CCDC175: variants seen among roughly 807,000 people sequenced by gnomAD.
The protein encoded by CCDC175 is coiled-coil domain-containing protein 175.
In CCDC175, 100 loss-of-function variants were observed where a neutral mutation model predicts 114.6. The observed-to-expected ratio is 0.87, with a 90% CI of 0.74 to 1.03. CCDC175 has a LOEUF of 1.03. CCDC175 is among the 50% of genes least tolerant of loss of function. The probability of loss-of-function intolerance (pLI) is 0.00; values close to 1 mark genes in which losing one functional copy is unlikely to be tolerated. For missense variants in CCDC175, 880 were observed against 917.8 expected, an observed-to-expected ratio of 0.96 and a Z score of 0.53; for synonymous variants, 306 against 308.7, an observed-to-expected ratio of 0.99 and a Z score of 0.09.
intron 1 of CCDC175, 34 bp downstream of exon 1, chr14:59,576,585 A>G (rs1053777763): frequency 1.1e-5 from 15 of 1,394,622 alleles, no homozygotes; most frequent in Admixed American, 3.5e-5. Context: ...ACCTCTGAGG[A>G]GACGTCCCTT....
chr14:59,556,081 C>T (rs2140090022), intron 7 of CCDC175, among the ~76,000 whole-genome samples: 1 of 152,320 alleles, frequency 6.6e-6, no homozygotes. Flanking sequence ...CATTAAGCTA[C>T]CAGTGACTTT....
chr14:59,538,027 T>TA lies in CCDC175; in HGVS notation c.1618dup (p.Tyr540LeufsTer2). 6.6e-7 allele frequency: 1 copy of TA among 1,523,854 alleles called. No homozygotes were observed. The highest frequency in any genetic ancestry group is 8.8e-7 in the Non-Finnish European group (1 of 1,136,392). 94.4% of individuals were successfully genotyped at this position (1,523,854 alleles called of 1,614,324 possible). On this transcript the variant is annotated frameshift_variant, in exon 13 of 20. Transcript: ENST00000537690. LOFTEE classifies it high-confidence loss of function. ...TAGATGCAAAATAAAATTTACCTCATACTTGCTTAACTCTTTCATTAACAT... is the reference window on the plus strand; with the variant it reads ...TAGATGCAAAATAAAATTTACCTCATAACTTGCTTAACTCTTTCATTAACAT...
intron 19 of CCDC175, among the ~76,000 whole-genome samples, chr14:59,506,186 T>C (rs1277644436): frequency 6.6e-6 from 1 of 152,098 alleles, no homozygotes; most frequent in Non-Finnish European, 1.5e-5. Flanking sequence ...CTATTGCACA[T>C]TGAAGCCATC....
At chr14:59,521,449 GA>G in intron 17 of CCDC175, 124 bp downstream of exon 17, 1 of 591,008 alleles carries the variant, frequency 1.7e-6, no homozygotes, top group Non-Finnish European at 2.9e-6. Flanking sequence ...CCTATCATGG[GA>G]CTTTACCTTG....
chr14:59,554,905 G>A, intron 7 of CCDC175, among the ~76,000 whole-genome samples: 1 of 152,108 alleles, frequency 6.6e-6, no homozygotes, highest in Non-Finnish European at 1.5e-5. Flanking sequence ...ACCCTCCGAA[G>A]ACTAAACCAG....
chr14:59,543,411 G>A lies in CCDC175; in HGVS notation c.1216C>T (p.Leu406=). The change falls in exon 10 of 20, where the codon CTG becomes TTG. Residue 406 remains leucine (L), a synonymous_variant. Coordinates refer to ENST00000537690, the MANE Select transcript of CCDC175 (RefSeq NM_001164399.2). ...TTGATGTCTACTCTCTTTTGTGACA[G>A]AAAGTATTCTTTCTGAGAAATAAAT... The part of the protein sequence containing the change: ...LTFISQKEYF[L]SQKRVDIKNM... 1.4e-6 allele frequency: 2 copies of A among 1,473,372 alleles called. No individual in the cohort carries two copies. Among genetic ancestry groups the A allele is most frequent in the Non-Finnish European group, 1.8e-6 (2 of 1,107,118 alleles). 91.3% of individuals were successfully genotyped at this position (1,473,372 alleles called of 1,614,324 possible).
At chr14:59,540,364 T>C (rs1203549706) in intron 11 of CCDC175, among the ~76,000 whole-genome samples, 1 of 152,062 alleles carries the variant, frequency 6.6e-6, no homozygotes, top group East Asian at 1.9e-4. Flanking sequence ...TCTCTTACCA[T>C]ACCTGTCACC....
chr14:59,513,791 C>A (rs1210936358), intron 17 of CCDC175, among the ~76,000 whole-genome samples: 3 of 152,326 alleles, frequency 2.0e-5, no homozygotes, highest in African/African-American at 7.2e-5. Flanking sequence ...ATTTAAATGT[C>A]CCTGTCTGAC....
intron 7 of CCDC175, among the ~76,000 whole-genome samples, chr14:59,553,204 C>A (rs1190889918): frequency 6.6e-6 from 1 of 152,152 alleles, no homozygotes; most frequent in African/African-American, 2.4e-5. Context: ...ATGTTAAGGG[C>A]AGCCAGAGAG....
chr14:59,569,980 C>A (rs1276671155), intron 3 of CCDC175, among the ~76,000 whole-genome samples: 1 of 152,126 alleles, frequency 6.6e-6, no homozygotes, highest in Non-Finnish European at 1.5e-5. Context: ...AGAGAGGCTG[C>A]GTCTCATTAG....
chr14:59,576,273 G>A (rs563698210), intron 1 of CCDC175, among the ~76,000 whole-genome samples: 17 of 152,296 alleles, frequency 1.1e-4, no homozygotes, highest in African/African-American at 4.1e-4. Flanking sequence ...GTAAAGGAAC[G>A]GCAAGAAGAG....
rs1234267193 is a variant in CCDC175 at position 59,538,770 on chromosome 14, C to T, written c.1426G>A (p.Glu476Lys). The T allele has an allele frequency of 1.3e-6, 2 of 1,536,544 alleles. No individual in the cohort carries two copies. The highest frequency in any genetic ancestry group is 1.7e-6 in the Non-Finnish European group (2 of 1,146,468). Residue 476 changes from glutamate to lysine, a missense_variant, in exon 12 of 20, where the codon GAA becomes AAA. Physicochemically the swap from Glu to Lys is moderately conservative, Grantham distance 56. Coordinates refer to ENST00000537690, the MANE Select transcript of CCDC175 (RefSeq NM_001164399.2). ...ATTTTTTCTGTAATAGCTTGTATTTCAGCTTTTATCTTGGCTGTCCAACGT... is the reference window on the plus strand; with the variant it reads ...ATTTTTTCTGTAATAGCTTGTATTTTAGCTTTTATCTTGGCTGTCCAACGT... ...HARWTAKIKA[E>K]IQAITEKIQN...
intron 11 of CCDC175, 134 bp from the exon 12 acceptor site, chr14:59,538,974 C>A (rs1003819324): frequency 7.2e-6 from 5 of 699,226 alleles, no homozygotes; most frequent in African/African-American, 1.8e-5. Flanking sequence ...GCAGACTACA[C>A]ACATTGCATG....
In CCDC175 at chr14:59,574,994, AT is replaced by A; in HGVS notation, c.191del (p.Asn64MetfsTer13). ...CCTTAAGAAAGATCTTAGCTTCTTC[AT>A]TACATTTAAAATAGTCACTTTGCAG... ...QSLQSDYFKCNEEAKIFLKDI... is the reference protein window; with the variant it reads ...QSLQSDYFKCXEEAKIFLKDI... On this transcript the variant is annotated frameshift_variant, in exon 2 of 20. Coordinates refer to ENST00000537690, the MANE Select transcript of CCDC175 (RefSeq NM_001164399.2). LOFTEE classifies it high-confidence loss of function. 1 of 1,518,186 alleles carries A rather than the reference AT, an allele frequency of 6.6e-7. No individual in the cohort carries two copies. The highest frequency in any genetic ancestry group is 8.8e-7 in the Non-Finnish European group (1 of 1,134,272). The allele number at this position is 1,518,186 out of a possible 1,614,324, so 94.0% of individuals were successfully genotyped here. A position where few individuals can be genotyped will look rare whatever the true frequency, so the allele number is the denominator to read the frequency against.
chr14:59,560,171 A>G (rs909414860), intron 7 of CCDC175, among the ~76,000 whole-genome samples: 2 of 152,096 alleles, frequency 1.3e-5, no homozygotes, highest in African/African-American at 4.8e-5. Context: ...TGAACTGATG[A>G]TGGTAGATCA....
chr14:59,506,172 G>A (rs570188125), intron 19 of CCDC175, among the ~76,000 whole-genome samples: 4 of 151,746 alleles, frequency 2.6e-5, no homozygotes, highest in African/African-American at 7.3e-5. Flanking sequence ...ATTAGTTTGC[G>A]AGACTATTGC....
chr14:59,519,298 G>A (rs550663195), intron 17 of CCDC175, among the ~76,000 whole-genome samples: 44 of 151,952 alleles, frequency 2.9e-4, no homozygotes, highest in Middle Eastern at 3.4e-3. Context: ...CACATGTACC[G>A]TAAAACTTAA....
chr14:59,538,992 A>C (rs1236530845), intron 11 of CCDC175, among the ~76,000 whole-genome samples, 152 bp from the exon 12 acceptor site: 2 of 152,258 alleles, frequency 1.3e-5, no homozygotes, highest in African/African-American at 4.8e-5. Flanking sequence ...ATGAAAAAGT[A>C]AGACAAAACA....
chr14:59,570,502 G>A (rs2140128617), intron 3 of CCDC175, among the ~76,000 whole-genome samples: 1 of 151,922 alleles, frequency 6.6e-6, no homozygotes, highest in East Asian at 1.9e-4. Flanking sequence ...ATTATAAAAT[G>A]TGTGTGTAGA....
Sources: gnomAD v4.1 joint callset for allele counts (sites outside exome capture counted in the v4.1 genomes callset) on GRCh38, gnomAD v4.1.1 for gene constraint, MANE v1.5 for transcripts, NCBI Gene and HGNC (gene_info 2026-07-23, HGNC 2026-07-21) for gene names.